LMNTD1: variants seen among roughly 807,000 people sequenced by gnomAD.
LMNTD1 encodes the protein lamin tail domain containing 1, also known as lamin tail domain-containing protein 1.
In LMNTD1, 35 loss-of-function variants were observed where a neutral mutation model predicts 50.9. The observed-to-expected ratio is 0.69, with a 90% CI of 0.53 to 0.91. The LOEUF is 0.91. LMNTD1 is among the 40% of genes least tolerant of loss of function. The probability of loss-of-function intolerance (pLI) is 0.00; values close to 1 mark genes in which losing one functional copy is unlikely to be tolerated. For missense variants in LMNTD1, 470 were observed against 475.5 expected, an observed-to-expected ratio of 0.99 and a Z score of 0.11; for synonymous variants, 153 against 161.9, an observed-to-expected ratio of 0.94 and a Z score of 0.42.
chr12:25,565,688 G>T (rs1427571173), intron 1 of LMNTD1, among the ~76,000 whole-genome samples: 1 of 152,080 alleles, frequency 6.6e-6, no homozygotes, highest in Non-Finnish European at 1.5e-5. Context: ...AGTGAATTTT[G>T]TATCTTCAGA....
chr12:25,622,800 CA>C lies in LMNTD1; in HGVS notation c.58+25693del, dbSNP rs1483678132. Among the ~76,000 whole-genome samples, 4 of 152,114 alleles carry C rather than the reference CA, an allele frequency of 2.6e-5. No homozygotes were observed. The East Asian group carries it at 7.7e-4, about 29-fold the overall frequency. On this transcript the variant is annotated intron_variant, in intron 1 of 7. Coordinates refer to the LMNTD1 transcript ENST00000445693. Reference sequence around the variant, plus strand: ...AAAACAAAACAAAACACAAAGGCGCCAAAAGGGTCCTGAGTAGGTAAAATAG... The same window carrying C: ...AAAACAAAACAAAACACAAAGGCGCCAAAGGGTCCTGAGTAGGTAAAATAG...
At chr12:25,617,547 A>G (rs1228423130) in intron 1 of LMNTD1, among the ~76,000 whole-genome samples, 1 of 152,166 alleles carries the variant, frequency 6.6e-6, no homozygotes, top group Non-Finnish European at 1.5e-5. Flanking sequence ...AGGTGGTGGG[A>G]GCTTGCAGAA....
chr12:25,633,275 G>A (rs1369356620), intron 1 of LMNTD1, among the ~76,000 whole-genome samples: 1 of 152,050 alleles, frequency 6.6e-6, no homozygotes. Context: ...CATCAAGACA[G>A]AAAGTCAACA....
intron 1 of LMNTD1, among the ~76,000 whole-genome samples, chr12:25,624,956 T>C (rs1009584543): frequency 6.6e-6 from 1 of 152,234 alleles, no homozygotes; most frequent in African/African-American, 2.4e-5. Flanking sequence ...AACGGAGTCC[T>C]GTAGATCAAA....
rs137893560 is a variant in LMNTD1 at position 25,506,744 on chromosome 12, T to C, written c.1190-2944A>G. Among the ~76,000 whole-genome samples the C allele has an allele frequency of 3.6e-3, 539 of 151,524 alleles. 4 individuals are homozygous for C. Among genetic ancestry groups the C allele is most frequent in the African/African-American group, 0.013 (524 of 41,254 alleles). On this transcript the variant is annotated intron_variant, in intron 8 of 9. Transcript: ENST00000458174. ...CTAGATTCTATCAAAAAATTGGTCTTATTTATTTTACTATTTCAAATTTTT... is the reference window on the plus strand; with the variant it reads ...CTAGATTCTATCAAAAAATTGGTCTCATTTATTTTACTATTTCAAATTTTT...
chr12:25,557,361 C>T (rs1592008210), upstream of LMNTD1: 1 of 152,192 alleles, frequency 6.6e-6, no homozygotes, highest in East Asian at 1.9e-4. Context: ...GCTTCCCAAT[C>T]ACAAAATCCT....
chr12:25,604,358 A>G (rs181013409), intron 1 of LMNTD1, among the ~76,000 whole-genome samples: 3 of 152,138 alleles, frequency 2.0e-5, no homozygotes, highest in Non-Finnish European at 4.4e-5. Flanking sequence ...AAATTTTATT[A>G]TCATTATACT....
In LMNTD1 at chr12:25,526,777, T is replaced by C. The variant is rs1342741063; in HGVS notation, c.670A>G (p.Thr224Ala). 5 of 1,604,962 alleles carry C rather than the reference T, an allele frequency of 3.1e-6. No homozygotes were observed. Among genetic ancestry groups the C allele is most frequent in the Non-Finnish European group, 3.4e-6 (4 of 1,174,458 alleles). The change falls in exon 5 of 10, where the codon ACA becomes GCA. Residue 224 changes from threonine (T) to alanine (A), a missense_variant. Coordinates refer to ENST00000458174, the MANE Select transcript of LMNTD1 (RefSeq NM_001145728.2). Reference sequence around the variant, plus strand: ...TATACTCTTATACTCACTGTTACTGTGGAATTTGCCTGCATTACGATGTTT... The same window carrying C: ...TATACTCTTATACTCACTGTTACTGCGGAATTTGCCTGCATTACGATGTTT... ...LPNIVMQANS[T>A]VTVWAAASEA...
At chr12:25,538,005 A>C (rs1185675406) in intron 4 of LMNTD1, among the ~76,000 whole-genome samples, 1 of 150,050 alleles carries the variant, frequency 6.7e-6, no homozygotes, top group Admixed American at 6.7e-5. Context: ...AAATGAAGTG[A>C]GAAGGAAAGT....
At chr12:25,514,902 G>C (rs1028979763) in intron 8 of LMNTD1, among the ~76,000 whole-genome samples, 1 of 152,024 alleles carries the variant, frequency 6.6e-6, no homozygotes, top group African/African-American at 2.4e-5. Context: ...TTAAGATTCT[G>C]GCAATATAAA....
chr12:25,598,087 T>C lies in LMNTD1; in HGVS notation c.58+50407A>G, dbSNP rs537315815. ...GCCTGCCACCATGTAAGACAACCCA[T>C]TGCCATTCCTTCGTCTTCTGCTATG... On this transcript the variant is annotated intron_variant, in intron 1 of 7. Transcript: ENST00000445693. Among the ~76,000 whole-genome samples the C allele has an allele frequency of 3.2e-4, 49 of 152,206 alleles. No individual in the cohort carries two copies. In the East Asian group the frequency reaches 9.3e-3, roughly 29 times the overall value.
chr12:25,526,262 C>G (rs749827766), intron 5 of LMNTD1, 44 bp from the exon 6 acceptor site: 1 of 1,587,664 alleles, frequency 6.3e-7, no homozygotes, highest in Non-Finnish European at 8.6e-7. Flanking sequence ...GAGTTGAACA[C>G]AATTTTGTAA....
intron 1 of LMNTD1, among the ~76,000 whole-genome samples, chr12:25,612,730 C>T (rs1946276174): frequency 6.6e-6 from 1 of 151,644 alleles, no homozygotes; most frequent in Non-Finnish European, 1.5e-5. Context: ...TTTAAATGTC[C>T]CCCGTGTATA....
At chr12:25,503,324 TGAGAA>T (rs1168803447) in intron 9 of LMNTD1, among the ~76,000 whole-genome samples, 1 of 152,196 alleles carries the variant, frequency 6.6e-6, no homozygotes, top group East Asian at 1.9e-4. Flanking sequence ...ATTTAGCAAG[TGAGAA>T]CAGCTGCAGT....
chr12:25,629,464 A>G (rs1364168640), intron 1 of LMNTD1, among the ~76,000 whole-genome samples: 2 of 152,182 alleles, frequency 1.3e-5, no homozygotes, highest in African/African-American at 4.8e-5. Context: ...TTTAGGATGA[A>G]AAGTTTCATA....
chr12:25,525,967 C>T, intron 6 of LMNTD1, 132 bp downstream of exon 6: 2 of 514,470 alleles, frequency 3.9e-6, no homozygotes. Flanking sequence ...ATCTTTTAGG[C>T]ATAAAGTCAA....
chr12:25,598,907 G>A (rs891794874), intron 1 of LMNTD1, among the ~76,000 whole-genome samples: 30 of 151,872 alleles, frequency 2.0e-4, no homozygotes, highest in African/African-American at 6.8e-4. Context: ...CTTCATTGAC[G>A]AATTCTATCA....
At chr12:25,482,817 A>C (rs1288511754) in intron 9 of LMNTD1, among the ~76,000 whole-genome samples, 1 of 152,088 alleles carries the variant, frequency 6.6e-6, no homozygotes, top group East Asian at 1.9e-4. Flanking sequence ...GCTGTTGACA[A>C]TTAAATTAAT....
chr12:25,535,838 C>T (rs1942541230), intron 4 of LMNTD1, among the ~76,000 whole-genome samples: 1 of 152,040 alleles, frequency 6.6e-6, no homozygotes, highest in African/African-American at 2.4e-5. Context: ...AAAACATTCA[C>T]TCTAAATATA....
Sources: allele counts gnomAD v4.1 joint callset (sites outside exome capture counted in the v4.1 genomes callset), GRCh38; gene constraint gnomAD v4.1.1; transcripts MANE v1.5; gene names NCBI Gene and HGNC (gene_info 2026-07-23, HGNC 2026-07-21).